Variants in HYOU1 observed in about 807,000 individuals in gnomAD.
The protein encoded by HYOU1 is hypoxia up-regulated protein 1.
A neutral mutation model predicts 120.5 loss-of-function variants in HYOU1; 40 were observed. The ratio of observed to expected loss-of-function variants is 0.33; its 90% CI spans 0.26 to 0.43. The LOEUF (loss-of-function observed/expected upper bound fraction) is 0.43. HYOU1 is among the 20% of genes least tolerant of loss of function. HYOU1 has a pLI of 1.00. For synonymous variants in HYOU1, 501 were observed against 479.4 expected (o/e 1.05, Z -0.59); for missense variants, 1,085 against 1,278.3 (o/e 0.85, Z 2.31).
At chr11:119,056,813 G>T (rs552967437) in intron 1 of HYOU1, 1 of 175,786 alleles carries the variant, frequency 5.7e-6, no homozygotes, top group Non-Finnish European at 1.2e-5. Flanking sequence ...ACCTGACGAA[G>T]GCGGCGGCTC....
At position 119,052,416 on chromosome 11, in the gene HYOU1, A is replaced by G. The variant is rs2133592674; in HGVS notation, c.1001T>C (p.Met334Thr). ...TTTTGCCTTGAAGTCCACATCATCCATCAGGCCTTCAATCTGGGAGAGGAT... is the reference window on the plus strand; with the variant it reads ...TTTTGCCTTGAAGTCCACATCATCCGTCAGGCCTTCAATCTGGGAGAGGAT... ...ADHMAQIEGL[M>T]DDVDFKAKVT... The change falls in exon 10 of 26, where the codon ATG becomes ACG. Residue 334 changes from methionine (M) to threonine (T), a missense_variant. Coordinates refer to ENST00000617285, the MANE Select transcript of HYOU1 (RefSeq NM_006389.5). The surrounding 1 kb of genome is among the most constrained non-coding windows in gnomAD (Gnocchi z 5.0). The G allele has an allele frequency of 6.2e-7, 1 of 1,614,110 alleles. No homozygotes were observed. Among genetic ancestry groups the G allele is most frequent in the Non-Finnish European group, 8.5e-7 (1 of 1,180,016 alleles).
Position 119,048,801 on chromosome 11 carries a change from C to T in HYOU1, c.2078G>A (p.Arg693Gln), listed in dbSNP as rs2133567301. The change falls in exon 18 of 26, where the codon CGG becomes CAG. Residue 693 changes from arginine to glutamine, a missense_variant. Physicochemically the swap from Arg to Gln is conservative, Grantham distance 43. Coordinates refer to ENST00000617285, the MANE Select transcript of HYOU1 (RefSeq NM_006389.5). This position sits in a 1 kb window ranked among gnomAD's most constrained non-coding sequence, Gnocchi z 4.7. ...GEKKQKPARK[R>Q]RMVEEIGVEL... ...CACCCCGATCTCCTCTACCATTCGC[C>T]GCTTCCTGGCGGGCTTCTGCTTCTT... 20 of 1,614,016 alleles carry T rather than the reference C, an allele frequency of 1.2e-5. No homozygotes were observed. Among genetic ancestry groups the T allele is most frequent in the African/African-American group, 4.0e-5 (3 of 74,920 alleles).
intron 24 of HYOU1, 50 bp downstream of exon 24, chr11:119,046,367 C>G (rs2133549311): frequency 1.3e-6 from 2 of 1,588,924 alleles, no homozygotes; most frequent in South Asian, 2.2e-5. Context: ...TTTGCCTACC[C>G]CTGGGCTAAT....
chr11:119,049,517 ACC>A, intron 16 of HYOU1, 37 bp downstream of exon 16: 1 of 1,605,846 alleles, frequency 6.2e-7, no homozygotes, highest in South Asian at 1.1e-5. Flanking sequence ...TGCATCCCCC[ACC>A]GTCCTCCATG....
Position 119,049,054 on chromosome 11 carries a change from G to A in HYOU1, c.1956C>T (p.Ala652=). 1.2e-6 allele frequency: 2 copies of A among 1,614,194 alleles called. No individual in the cohort carries two copies. Among genetic ancestry groups the A allele is most frequent in the East Asian group, 2.2e-5 (1 of 44,888 alleles). Residue 652 remains alanine (A), a synonymous_variant, in exon 17 of 26, where the codon GCC becomes GCT. Transcript: ENST00000617285. ...ACTTGTCCCCATTTTCTTTTTCTGTGGCCTTTTCTCCCTCAGGGGTTGCAT... is the reference window on the plus strand; with the variant it reads ...ACTTGTCCCCATTTTCTTTTTCTGTAGCCTTTTCTCCCTCAGGGGTTGCAT... The part of the protein sequence containing the change: ...KGDATPEGEK[A]TEKENGDKSE...
At chr11:119,049,348 C>G (rs2133572280) in intron 16 of HYOU1, 145 bp from the exon 17 acceptor site, 1 of 1,553,474 alleles carries the variant, frequency 6.4e-7, no homozygotes, top group East Asian at 2.4e-5. Context: ...CTGTGGCAAT[C>G]TAGCTGGACA....
Position 119,054,852 on chromosome 11 carries a change from C to T in HYOU1, c.496+132G>A, listed in dbSNP as rs1297240983. On this transcript the variant is annotated intron_variant, in intron 6 of 25. Transcript: ENST00000617285. ...CCCACTAGATAGCAGGTGCACCCCT[C>T]AGATGTGACAACCAAAATCTATCTT... 20 of 1,097,310 alleles carry T rather than the reference C, an allele frequency of 1.8e-5. No individual in the cohort carries two copies. In the Admixed American group the frequency reaches 4.5e-4, roughly 25 times the overall value. The allele number at this position is 1,097,310 out of a possible 1,614,324, so 68.0% of individuals were successfully genotyped here.
In HYOU1 at chr11:119,055,165, T is replaced by C. The variant is rs2133610667; in HGVS notation, c.419+20A>G. On this transcript the variant is annotated intron_variant, in intron 5 of 25. Transcript: ENST00000617285. The surrounding 1 kb of genome is among the most constrained non-coding windows in gnomAD (Gnocchi z 4.0). ...GCCCAGCAGCGTTGCCGAGACCACC[T>C]TCCCCAACAGAGCACTCACGAGCTG... is the stretch of plus-strand genomic sequence containing the variant. 5.0e-6 allele frequency: 8 copies of C among 1,611,642 alleles called. No homozygotes were observed. The highest frequency in any genetic ancestry group is 6.8e-6 in the Non-Finnish European group (8 of 1,178,182).
At position 119,047,918 on chromosome 11, in the gene HYOU1, A is replaced by G. The variant is rs1453702492; in HGVS notation, c.2510+29T>C. ...AATGAAAACCAGTGGCCTTGGCAGG[A>G]CTGCAAAAAGGGTTCAGGGGCTGCT... On this transcript the variant is annotated intron_variant, in intron 21 of 25. Transcript: ENST00000617285. 3.7e-6 allele frequency: 6 copies of G among 1,613,892 alleles called. No homozygotes were observed. In the Admixed American group the frequency reaches 6.7e-5, roughly 18 times the overall value.
rs2133549753 is a variant in HYOU1 at position 119,046,421 on chromosome 11, C to A, written c.2883G>T (p.Glu961Asp). ...ACCATGGTTGCTCCAACTCACCAGT[C>A]TCTACTTTCTCAGGTTCTGAAATGG... ...AEPISEPEKV[E>D]TGSEPGDTEP... The change falls in exon 24 of 26, where the codon GAG becomes GAT. Residue 961 changes from glutamate to aspartate, a missense_variant. By Grantham distance (45) the Glu-to-Asp change is conservative. Transcript: ENST00000617285. 18 of 1,614,056 alleles carry A rather than the reference C, an allele frequency of 1.1e-5. No homozygotes were observed. Among genetic ancestry groups the A allele is most frequent in the African/African-American group, 2.7e-5 (2 of 74,926 alleles).
chr11:119,051,141 T>C lies in HYOU1; in HGVS notation c.1559A>G (p.Lys520Arg). Reference protein sequence around the residue: ...VFGSQNLTTVKLKGVGDSFKK... With the variant: ...VFGSQNLTTVRLKGVGDSFKK... The stretch of plus-strand genomic sequence containing the variant: ...GAAGCTGTCACCCACCCCTTTTAGC[T>C]TCACTGTGGTCAGATTCTGGGAGCC... The change falls in exon 14 of 26, where the codon AAG becomes AGG. Residue 520 changes from lysine (K) to arginine (R), a missense_variant. Coordinates refer to ENST00000617285, the MANE Select transcript of HYOU1 (RefSeq NM_006389.5). This position sits in a 1 kb window ranked among gnomAD's most constrained non-coding sequence, Gnocchi z 4.2. 3 of 1,614,196 alleles carry C rather than the reference T, an allele frequency of 1.9e-6. No individual in the cohort carries two copies. The highest frequency in any genetic ancestry group is 2.5e-6 in the Non-Finnish European group (3 of 1,180,034).
intron 16 of HYOU1, 56 bp downstream of exon 16, chr11:119,049,500 T>C: frequency 1.9e-6 from 3 of 1,591,630 alleles, no homozygotes; most frequent in Non-Finnish European, 2.6e-6. Flanking sequence ...CCTCTGCGGC[T>C]ACTACCTGCA....
intron 1 of HYOU1, chr11:119,056,468 C>A: frequency 2.1e-6 from 1 of 478,790 alleles, no homozygotes; most frequent in Non-Finnish European, 4.1e-6. Context: ...ACCACACAGG[C>A]AGTGAGTGGC....
chr11:119,052,224 G>T lies in HYOU1; in HGVS notation c.1123-52C>A. The T allele has an allele frequency of 1.9e-6, 3 of 1,613,526 alleles. No homozygotes were observed. The South Asian group carries it at 3.3e-5, about 18-fold the overall frequency. On this transcript the variant is annotated intron_variant, in intron 10 of 25. Transcript: ENST00000617285. This position sits in a 1 kb window ranked among gnomAD's most constrained non-coding sequence, Gnocchi z 5.0. ...AACAGCATGCAGTTAGCACTGACTC[G>T]TCCCTTGACGTCCCATGGGTTTCCT...
chr11:119,051,863 C>A lies in HYOU1; in HGVS notation c.1294G>T (p.Val432Leu). Residue 432 changes from valine (V) to leucine (L), a missense_variant, in exon 12 of 26, where the codon GTG (valine) becomes TTG (leucine). Around this residue, in one of 4 missense-constraint regions of HYOU1, gnomAD observed 515 missense variants for 677.8 expected, o/e 0.76. Coordinates refer to ENST00000617285, the MANE Select transcript of HYOU1 (RefSeq NM_006389.5). This position sits in a 1 kb window ranked among gnomAD's most constrained non-coding sequence, Gnocchi z 4.2. The stretch of plus-strand genomic sequence containing the variant: ...GCATCTCGGACGACAAATGGCTTCA[C>A]TTTAAAGGCTTTGCTGAGCGCAGCT... ...QAAALSKAFK[V>L]KPFVVRDAVV... The A allele has an allele frequency of 6.2e-7, 1 of 1,614,196 alleles. No homozygotes were observed. The highest frequency in any genetic ancestry group is 8.5e-7 in the Non-Finnish European group (1 of 1,180,046).
chr11:119,050,989 G>C, intron 14 of HYOU1, 46 bp downstream of exon 14: 1 of 1,601,018 alleles, frequency 6.2e-7, no homozygotes, highest in Non-Finnish European at 8.5e-7. Context: ...ATGGCTGGCA[G>C]GGCCTGAGCC....
In HYOU1 at chr11:119,055,987, TG is replaced by T; in HGVS notation, c.91+82del. On this transcript the variant is annotated intron_variant, in intron 2 of 25. Coordinates refer to ENST00000617285, the MANE Select transcript of HYOU1 (RefSeq NM_006389.5). The surrounding 1 kb of genome is among the most constrained non-coding windows in gnomAD (Gnocchi z 4.0). ...TGGACCTAACAACTCAAGAGACTTC[TG>T]GCCAACAGCCCCAAGCTCAATTCCC... is the stretch of plus-strand genomic sequence containing the variant. 1 of 1,424,480 alleles carries T rather than the reference TG, an allele frequency of 7.0e-7. No individual in the cohort carries two copies. Among genetic ancestry groups the T allele is most frequent in the Non-Finnish European group, 9.9e-7 (1 of 1,007,900 alleles). The allele number at this position is 1,424,480 out of a possible 1,614,324, so 88.2% of individuals were successfully genotyped here. A position where few individuals can be genotyped will look rare whatever the true frequency, so the allele number is the denominator to read the frequency against.
chr11:119,051,369 G>C lies in HYOU1; in HGVS notation c.1526+69C>G, dbSNP rs1944426201. 8 of 1,549,622 alleles carry C rather than the reference G, an allele frequency of 5.2e-6. No homozygotes were observed. Among genetic ancestry groups the C allele is most frequent in the Admixed American group, 1.7e-5 (1 of 58,604 alleles). ...AGGCCCACATCCTCCCTCACCCCCA[G>C]TCCTCAGATTATCCAGCAGCCACGC... is the stretch of plus-strand genomic sequence containing the variant. On this transcript the variant is annotated intron_variant, in intron 13 of 25. Coordinates refer to ENST00000617285, the MANE Select transcript of HYOU1 (RefSeq NM_006389.5). This position sits in a 1 kb window ranked among gnomAD's most constrained non-coding sequence, Gnocchi z 4.2.
rs1301981678 is a variant in HYOU1 at position 119,048,299 on chromosome 11, G to A, written c.2325C>T (p.Leu775=). ...CCTCCAGCCAGGTGGATGCGGCGCT[G>A]AGCTTCCCAGAGATCTCCTCACGCT... is the stretch of plus-strand genomic sequence containing the variant. ...EEQREEISGK[L]SAASTWLEDE... The change falls in exon 20 of 26, where the codon CTC becomes CTT. Residue 775 remains leucine, a synonymous_variant. Coordinates refer to ENST00000617285, the MANE Select transcript of HYOU1 (RefSeq NM_006389.5). The surrounding 1 kb of genome is among the most constrained non-coding windows in gnomAD (Gnocchi z 4.7). The A allele has an allele frequency of 1.9e-6, 3 of 1,611,222 alleles. No individual in the cohort carries two copies. Among genetic ancestry groups the A allele is most frequent in the Non-Finnish European group, 2.5e-6 (3 of 1,179,972 alleles).
Sources: gnomAD v4.1 joint callset for allele counts on GRCh38, gnomAD v4.1.1 for gene constraint, gnomAD v4.1.1 regional missense constraint, Gnocchi (gnomAD v3.1) non-coding constraint, MANE v1.5 for transcripts, NCBI Gene and HGNC (gene_info 2026-07-23, HGNC 2026-07-21) for gene names.